The following STK38 variants were observed in gnomAD, a reference collection of about 807,000 sequenced individuals.
STK38 encodes the protein serine/threonine-protein kinase 38.
Under a neutral mutation model 59.0 loss-of-function variants are expected in STK38, and 26 were observed. That is an observed-to-expected ratio of 0.44 (90% CI 0.32 to 0.61). The LOEUF is 0.61. Among genes scored for constraint, STK38 ranks in the 20% least tolerant of loss-of-function variants. The probability of loss-of-function intolerance (pLI) is 0.04; values close to 1 mark genes in which losing one functional copy is unlikely to be tolerated. For synonymous variants in STK38, 175 were observed against 176.6 expected (o/e 0.99, Z 0.07); for missense variants, 433 against 566.0 (o/e 0.76, Z 2.38).
intron 7 of STK38, among the ~76,000 whole-genome samples, chr6:36,508,614 G>A (rs1777024928): frequency 6.6e-6 from 1 of 152,234 alleles, no homozygotes; most frequent in African/African-American, 2.4e-5. Flanking sequence ...AAGCCTCTGT[G>A]GTCATTGATG....
chr6:36,515,269 G>C, intron 7 of STK38, 69 bp downstream of exon 7: 3 of 1,550,580 alleles, frequency 1.9e-6, no homozygotes, highest in Non-Finnish European at 2.6e-6. Context: ...CCACAGGGGT[G>C]CAGGTGTTAA....
chr6:36,503,308 C>T (rs892386040), intron 9 of STK38, among the ~76,000 whole-genome samples: 1 of 151,972 alleles, frequency 6.6e-6, no homozygotes, highest in Non-Finnish European at 1.5e-5. Context: ...TCCCTCTTTA[C>T]TCTGAGGTCA....
intron 5 of STK38, among the ~76,000 whole-genome samples, chr6:36,518,971 G>C (rs1429417486): frequency 3.3e-5 from 5 of 152,162 alleles, no homozygotes; most frequent in Non-Finnish European, 5.9e-5. Flanking sequence ...TATGATGCTT[G>C]TTTTATTGAC....
intron 8 of STK38, 47 bp downstream of exon 8, chr6:36,507,453 C>A (rs1561976034): frequency 6.6e-7 from 1 of 1,520,846 alleles, no homozygotes. Context: ...AACAGCTCTT[C>A]TAGGCCCAGT....
chr6:36,507,714 C>T (rs1157671084), intron 7 of STK38, 112 bp from the exon 8 acceptor site: 7 of 657,326 alleles, frequency 1.1e-5, no homozygotes, highest in East Asian at 8.2e-5. Flanking sequence ...AAGTACACTG[C>T]TCCTTCTTTT....
chr6:36,507,363 C>T (rs1331599715), intron 8 of STK38, 137 bp downstream of exon 8: 1 of 745,958 alleles, frequency 1.3e-6, no homozygotes, highest in Non-Finnish European at 2.3e-6. Context: ...AAATCACAGG[C>T]AAACCTGGGA....
intron 1 of STK38, among the ~76,000 whole-genome samples, chr6:36,544,818 G>A (rs2127494598): frequency 6.6e-6 from 1 of 152,270 alleles, no homozygotes. Flanking sequence ...GTTTCAGTGA[G>A]TTTGGCTTGT....
chr6:36,532,860 T>C (rs1053782247), intron 2 of STK38, among the ~76,000 whole-genome samples: 4 of 151,912 alleles, frequency 2.6e-5, no homozygotes, highest in Non-Finnish European at 5.9e-5. Context: ...GATTATGCCA[T>C]TGCACTCTAG....
Position 36,542,071 on chromosome 6 carries a change from G to A in STK38, c.-5-1864C>T, listed in dbSNP as rs546665670. Among the ~76,000 whole-genome samples, 3 of 152,098 alleles carry A rather than the reference G, an allele frequency of 2.0e-5. No individual in the cohort carries two copies. In the South Asian group the frequency reaches 6.2e-4, roughly 32 times the overall value. Reference sequence around the variant, plus strand: ...GCTGGTCTCAAACTCTTGACCTCAAGTGATCCACCCAACTTGGCCTCCCAA... The same window carrying A: ...GCTGGTCTCAAACTCTTGACCTCAAATGATCCACCCAACTTGGCCTCCCAA... On this transcript the variant is annotated intron_variant, in intron 1 of 13. Transcript: ENST00000229812.
intron 7 of STK38, among the ~76,000 whole-genome samples, chr6:36,511,224 T>C (rs961457388): frequency 1.3e-5 from 2 of 152,174 alleles, no homozygotes; most frequent in Non-Finnish European, 2.9e-5. Flanking sequence ...CTCAGATGGG[T>C]CAAATTTTAT....
intron 2 of STK38, among the ~76,000 whole-genome samples, chr6:36,537,522 C>G (rs1288005588): frequency 1.3e-5 from 2 of 152,008 alleles, no homozygotes; most frequent in African/African-American, 4.8e-5. Context: ...AATGGACAAA[C>G]AAAGATATAG....
intron 9 of STK38, among the ~76,000 whole-genome samples, chr6:36,502,683 G>C (rs961187628): frequency 3.3e-5 from 5 of 152,094 alleles, no homozygotes; most frequent in African/African-American, 1.2e-4. Flanking sequence ...TTCAACTGAA[G>C]AACCAAGGAA....
intron 9 of STK38, 80 bp from the exon 10 acceptor site, chr6:36,500,070 G>A (rs1747390470): frequency 9.5e-7 from 1 of 1,053,478 alleles, no homozygotes; most frequent in Non-Finnish European, 1.5e-6. Flanking sequence ...CAAAGGCTAT[G>A]AGTAACATCA....
intron 9 of STK38, among the ~76,000 whole-genome samples, chr6:36,503,656 C>T (rs1052357978): frequency 1.3e-5 from 2 of 152,200 alleles, no homozygotes; most frequent in Admixed American, 1.3e-4. Flanking sequence ...GCAGATCTTA[C>T]TTGTTCAAAG....
chr6:36,517,175 C>T (rs1451363702), intron 6 of STK38, among the ~76,000 whole-genome samples: 1 of 152,110 alleles, frequency 6.6e-6, no homozygotes, highest in Non-Finnish European at 1.5e-5. Context: ...GACTGCTTTC[C>T]TCAGAACAGA....
chr6:36,499,725 A>C, intron 10 of STK38, 148 bp downstream of exon 10: 1 of 693,988 alleles, frequency 1.4e-6, no homozygotes, highest in Non-Finnish European at 2.6e-6. Context: ...CATCTTACTG[A>C]AAGAGGTGTC....
chr6:36,503,580 T>TA (rs1380601893), intron 9 of STK38, among the ~76,000 whole-genome samples: 1 of 152,094 alleles, frequency 6.6e-6, no homozygotes, highest in African/African-American at 2.4e-5. Context: ...ATCATAAAGG[T>TA]AAGAAATTAC....
chr6:36,497,561 A>C (rs1425031146), intron 12 of STK38, among the ~76,000 whole-genome samples: 2 of 152,232 alleles, frequency 1.3e-5, no homozygotes, highest in Admixed American at 1.3e-4. Context: ...AGTTCACTTC[A>C]CTTTGTAAAT....
At chr6:36,525,724 G>A (rs1777495357) in intron 2 of STK38, 82 bp from the exon 3 acceptor site, 2 of 1,139,344 alleles carry the variant, frequency 1.8e-6, no homozygotes, top group African/African-American at 1.6e-5. Flanking sequence ...TACTGTAGTA[G>A]ATTTTTAAAA....
Sources: gnomAD v4.1 joint callset for allele counts (sites outside exome capture counted in the v4.1 genomes callset) on GRCh38, gnomAD v4.1.1 for gene constraint, MANE v1.5 for transcripts, NCBI Gene and HGNC (gene_info 2026-07-23, HGNC 2026-07-21) for gene names.